Variants in MGAT4C observed in about 807,000 individuals in gnomAD.
MGAT4C encodes the protein MGAT4 family member C, also known as alpha-1,3-mannosyl-glycoprotein 4-beta-N-acetylglucosaminyltransferase C.
In MGAT4C, 19 loss-of-function variants were observed where a neutral mutation model predicts 40.1. The ratio of observed to expected loss-of-function variants is 0.47; its 90% CI spans 0.33 to 0.70. The LOEUF is 0.70. Among genes scored for constraint, MGAT4C ranks in the 30% least tolerant of loss-of-function variants. The pLI, the probability that MGAT4C is intolerant of heterozygous loss-of-function variation, is 0.02. For synonymous variants in MGAT4C, 181 were observed against 187.1 expected, an observed-to-expected ratio of 0.97 and a Z score of 0.27; for missense variants, 491 against 563.2, an observed-to-expected ratio of 0.87 and a Z score of 1.30.
intron 1 of MGAT4C, among the ~76,000 whole-genome samples, chr12:86,097,996 G>T (rs1874261306): frequency 6.6e-6 from 1 of 151,570 alleles, no homozygotes; most frequent in Non-Finnish European, 1.5e-5. Flanking sequence ...CTGAAGGAAG[G>T]AACACCTGCC....
chr12:86,647,332 T>G (rs1963568952), intron 2 of MGAT4C, among the ~76,000 whole-genome samples: 1 of 151,974 alleles, frequency 6.6e-6, no homozygotes, highest in Non-Finnish European at 1.5e-5. Flanking sequence ...GTTTTTCTTT[T>G]GCATTCAAAA....
rs61626246 is a variant in MGAT4C, at chr12:86,191,632, A to AACACACAC, written c.-57+64599_-57+64606dup. The stretch of plus-strand genomic sequence containing the variant: ...ATCTATCCTGAAAAACAAAAAACAA[A>AACACACAC]ACACACACACACACACACACACACA... On this transcript the variant is annotated intron_variant, in intron 1 of 4. Transcript: ENST00000611864. Among the ~76,000 whole-genome samples, 82 of 121,994 alleles carry AACACACAC rather than the reference A, an allele frequency of 6.7e-4. 1 individual carries two copies. Among genetic ancestry groups the AACACACAC allele is most frequent in the African/African-American group, 2.2e-3 (75 of 34,272 alleles). 80.0% of individuals were successfully genotyped at this position (121,994 alleles called of 152,430 possible). A position where few individuals can be genotyped will look rare whatever the true frequency, so the allele number is the denominator to read the frequency against.
chr12:86,471,370 G>C (rs903725628), intron 2 of MGAT4C, among the ~76,000 whole-genome samples: 2 of 151,908 alleles, frequency 1.3e-5, no homozygotes, highest in Non-Finnish European at 2.9e-5. Flanking sequence ...AATGATGTAT[G>C]GGACTATAAG....
At chr12:86,064,361 C>T (rs1262793852) in intron 1 of MGAT4C, among the ~76,000 whole-genome samples, 1 of 152,082 alleles carries the variant, frequency 6.6e-6, no homozygotes, top group South Asian at 2.1e-4. Flanking sequence ...GCCTGGGCAA[C>T]AGAGCGAGAC....
chr12:86,439,084 C>A (rs1402866158), intron 2 of MGAT4C, among the ~76,000 whole-genome samples: 1 of 151,878 alleles, frequency 6.6e-6, no homozygotes, highest in Non-Finnish European at 1.5e-5. Context: ...AGAAAGTCAA[C>A]AAAGAAACAC....
At chr12:86,276,854 C>T (rs988883407) in intron 4 of MGAT4C, among the ~76,000 whole-genome samples, 1 of 152,192 alleles carries the variant, frequency 6.6e-6, no homozygotes, top group Non-Finnish European at 1.5e-5. Flanking sequence ...ACTTAGCTTC[C>T]CTCCAAATCT....
intron 2 of MGAT4C, among the ~76,000 whole-genome samples, chr12:86,457,870 C>A (rs1229522490): frequency 2.6e-5 from 4 of 151,986 alleles, no homozygotes; most frequent in African/African-American, 9.7e-5. Flanking sequence ...TTTCACCTCT[C>A]TCTAACTTCA....
intron 3 of MGAT4C, among the ~76,000 whole-genome samples, chr12:86,381,639 C>A (rs527881755): frequency 5.4e-4 from 82 of 152,236 alleles, no homozygotes; most frequent in African/African-American, 1.9e-3. Context: ...AATGCTTTAC[C>A]AAGTTTTTAG....
rs549505623 is a variant in MGAT4C at position 86,132,724 on chromosome 12, G to A, written c.-56-83001C>T. On this transcript the variant is annotated intron_variant, in intron 1 of 4. Coordinates refer to ENST00000611864, the MANE Select transcript of MGAT4C (RefSeq NM_001351288.2). The stretch of plus-strand genomic sequence containing the variant: ...GGAGAATGGCGTGAACCCTGGAGGC[G>A]GAGCTTGCTGTGAGCAGAGATCGCG... Among the ~76,000 whole-genome samples the A allele has an allele frequency of 8.0e-5, 12 of 150,876 alleles. No individual in the cohort carries two copies. In the East Asian group the frequency reaches 1.6e-3, roughly 20 times the overall value.
At chr12:86,131,354 A>T (rs181279163) in intron 1 of MGAT4C, among the ~76,000 whole-genome samples, 26 of 152,102 alleles carry the variant, frequency 1.7e-4, no homozygotes, top group Admixed American at 5.2e-4. Context: ...TTGTTTTAAG[A>T]TGTTCTTCAT....
At chr12:86,364,766 A>G (rs1955556629) in intron 3 of MGAT4C, among the ~76,000 whole-genome samples, 1 of 152,172 alleles carries the variant, frequency 6.6e-6, no homozygotes. Flanking sequence ...AAAACCAGCA[A>G]GTTTTTATTA....
chr12:86,616,813 C>T (rs1962463980), intron 2 of MGAT4C, among the ~76,000 whole-genome samples: 1 of 151,646 alleles, frequency 6.6e-6, no homozygotes, highest in Admixed American at 6.6e-5. Context: ...ACATATGTAT[C>T]CACATATCTA....
chr12:85,956,648 C>G lies in MGAT4C; in HGVS notation c.*22641G>C, dbSNP rs972035197. 1.1e-4 allele frequency: 17 copies of G among 152,276 alleles called. No homozygotes were observed. The East Asian group carries it at 3.1e-3, about 28-fold the overall frequency. 9.4% of individuals were successfully genotyped at this position (152,276 alleles called of 1,614,324 possible). On this transcript the variant is annotated 3_prime_UTR_variant, in exon 5 of 5. Coordinates refer to ENST00000611864, the MANE Select transcript of MGAT4C (RefSeq NM_001351288.2). The stretch of plus-strand genomic sequence containing the variant: ...AAAATGTCATAACAATTTCAGTTTT[C>G]AGCCTGTCTTGTAAGATTTAACCCA...
At position 86,507,334 on chromosome 12, in the gene MGAT4C, A is replaced by T. The variant is rs145240759; in HGVS notation, c.-228-72069T>A. ...CCTGCATGGGAAGAGTATGTTTTCC[A>T]TTCCACTAATATTGAGCTTTGTTAT... is the stretch of plus-strand genomic sequence containing the variant. On this transcript the variant is annotated intron_variant, in intron 2 of 7. Coordinates refer to the MGAT4C transcript ENST00000548651. Among the ~76,000 whole-genome samples, 496 of 152,330 alleles carry T rather than the reference A, an allele frequency of 3.3e-3. 3 individuals carry two copies. The highest frequency in any genetic ancestry group is 0.011 in the African/African-American group (475 of 41,588).
chr12:86,702,829 T>A (rs575281476), intron 2 of MGAT4C, among the ~76,000 whole-genome samples: 1 of 152,314 alleles, frequency 6.6e-6, no homozygotes, highest in African/African-American at 2.4e-5. Context: ...AGTCTTATTA[T>A]TTAAGAAATA....
At chr12:86,813,052 A>C (rs1457717708) in intron 1 of MGAT4C, among the ~76,000 whole-genome samples, 1 of 152,098 alleles carries the variant, frequency 6.6e-6, no homozygotes, top group African/African-American at 2.4e-5. Context: ...TATGCAAGAC[A>C]TATACTGCTG....
chr12:86,289,395 T>C (rs547588910), intron 4 of MGAT4C, among the ~76,000 whole-genome samples: 1 of 152,306 alleles, frequency 6.6e-6, no homozygotes, highest in East Asian at 1.9e-4. Context: ...TTTGGGCTCT[T>C]TTTTAGTTCC....
intron 2 of MGAT4C, among the ~76,000 whole-genome samples, chr12:86,540,845 G>A (rs189467249): frequency 1.4e-3 from 214 of 152,190 alleles, no homozygotes; most frequent in African/African-American, 4.5e-3. Context: ...ATAAATGTTC[G>A]TTTTCCTTTT....
chr12:86,454,958 T>A (rs1957487226), intron 2 of MGAT4C, among the ~76,000 whole-genome samples: 1 of 152,160 alleles, frequency 6.6e-6, no homozygotes, highest in African/African-American at 2.4e-5. Flanking sequence ...TATTACTAGA[T>A]GAATTAATAA....
Sources: allele counts gnomAD v4.1 joint callset (sites outside exome capture counted in the v4.1 genomes callset), GRCh38; gene constraint gnomAD v4.1.1; transcripts MANE v1.5; gene names NCBI Gene and HGNC (gene_info 2026-07-23, HGNC 2026-07-21).